The following GPHN variants were observed in gnomAD, a reference collection of about 807,000 sequenced individuals.
GPHN encodes gephyrin.
Under a neutral mutation model 95.5 loss-of-function variants are expected in GPHN, and 17 were observed. The ratio of observed to expected loss-of-function variants is 0.18; its 90% confidence interval spans 0.12 to 0.27. The LOEUF (loss-of-function observed/expected upper bound fraction) is 0.27, where lower values mean the gene tolerates loss of function less well. GPHN is among the 10% of genes least tolerant of loss of function. GPHN has a pLI of 1.00. For synonymous variants in GPHN, 320 were observed against 322.5 expected (o/e 0.99, Z 0.08); for missense variants, 660 against 978.1 (o/e 0.67, Z 4.34).
the GPHN span, chr14:67,203,050 A>G: frequency 6.3e-7 from 1 of 1,583,848 alleles, no homozygotes; most frequent in Non-Finnish European, 8.6e-7. Context: ...TGTCAAAGCC[A>G]CACATTTCAT....
the GPHN span, among the ~76,000 whole-genome samples, chr14:67,523,629 C>A: frequency 1.3e-5 from 2 of 152,324 alleles, no homozygotes; most frequent in Non-Finnish European, 1.5e-5. Context: ...GGGGCTGTTT[C>A]TGTGGCCATG....
rs2070349962 is a variant in GPHN, at chr14:66,717,958, A to G, written c.143+36773A>G. Among the ~76,000 whole-genome samples the G allele has an allele frequency of 2.0e-5, 3 of 152,110 alleles. No homozygotes were observed. The South Asian group carries it at 6.2e-4, about 31-fold the overall frequency. ...GAGGGGTCTTAGCTTTGGTGGTTTA[A>G]TGCTCTATTTTTGTGCTGGTTGGCC... On this transcript the variant is annotated intron_variant, in intron 2 of 22. Transcript: ENST00000478722.
At chr14:66,974,936 T>A (rs2070114405) in intron 9 of GPHN, among the ~76,000 whole-genome samples, 1 of 152,178 alleles carries the variant, frequency 6.6e-6, no homozygotes, top group South Asian at 2.1e-4. Flanking sequence ...ATGATACTAT[T>A]TGCTTCATAG....
rs112003739 is a variant in GPHN at position 66,883,600 on chromosome 14, C to G, written c.389+3567C>G. ...TGGATTGTATCCTGGACATTTTGAA[C>G]ACTGCATTGTAAGTAAATTATTTAA... On this transcript the variant is annotated intron_variant, in intron 5 of 22. Transcript: ENST00000478722. Among the ~76,000 whole-genome samples the G allele has an allele frequency of 9.8e-3, 1,485 of 152,134 alleles. 20 individuals carry two copies. The highest frequency in any genetic ancestry group is 0.033 in the African/African-American group (1,376 of 41,540).
chr14:67,243,776 G>A, the GPHN span, among the ~76,000 whole-genome samples: 3 of 152,116 alleles, frequency 2.0e-5, no homozygotes, highest in African/African-American at 4.8e-5. Flanking sequence ...GATTACAGGC[G>A]TGAGCCACCG....
At chr14:66,752,238 T>C (rs1049849128) in intron 2 of GPHN, among the ~76,000 whole-genome samples, 1 of 152,156 alleles carries the variant, frequency 6.6e-6, no homozygotes, top group Admixed American at 6.6e-5. Context: ...TTCTCTCTCT[T>C]GTCATTTGTG....
chr14:67,484,806 G>A, the GPHN span, among the ~76,000 whole-genome samples: 1 of 152,080 alleles, frequency 6.6e-6, no homozygotes, highest in East Asian at 1.9e-4. Context: ...AACTAACAGC[G>A]ATTACCATTT....
At chr14:67,264,855 A>G in the GPHN span, among the ~76,000 whole-genome samples, 7 of 152,204 alleles carry the variant, frequency 4.6e-5, no homozygotes, top group Non-Finnish European at 8.8e-5. Flanking sequence ...TTAAGTCTCA[A>G]GTTTACATCT....
chr14:67,561,988 A>G, the GPHN span: 1 of 1,613,960 alleles, frequency 6.2e-7, no homozygotes, highest in Non-Finnish European at 8.5e-7. Context: ...AAAAGCCATA[A>G]TCAGCGCCTG....
the GPHN span, among the ~76,000 whole-genome samples, chr14:67,278,541 G>C: frequency 6.6e-6 from 1 of 152,138 alleles, no homozygotes; most frequent in South Asian, 2.1e-4. Context: ...TACAAACAAG[G>C]CTGCTATATG....
chr14:66,868,671 G>A (rs1052791404), intron 4 of GPHN, among the ~76,000 whole-genome samples: 5 of 152,160 alleles, frequency 3.3e-5, no homozygotes, highest in Admixed American at 2.6e-4. Context: ...TGGAATTACA[G>A]GCATGAGCCA....
At chr14:67,100,738 C>T in intron 12 of GPHN, 118 bp from the exon 13 acceptor site, 1 of 733,396 alleles carries the variant, frequency 1.4e-6, no homozygotes. Flanking sequence ...AAAAATATTC[C>T]ACTTCTCTAA....
At chr14:66,583,210 T>A (rs1289371493) in intron 1 of GPHN, among the ~76,000 whole-genome samples, 1 of 152,204 alleles carries the variant, frequency 6.6e-6, no homozygotes, top group African/African-American at 2.4e-5. Flanking sequence ...TTCATATTCT[T>A]TGCCCACTTT....
intron 1 of GPHN, among the ~76,000 whole-genome samples, chr14:66,558,920 T>C (rs1340735170): frequency 2.2e-5 from 3 of 134,620 alleles, no homozygotes; most frequent in Non-Finnish European, 4.7e-5. Context: ...CCAGAGTGTG[T>C]TGTTCCCCTT....
At chr14:66,582,832 C>T (rs917489084) in intron 1 of GPHN, among the ~76,000 whole-genome samples, 11 of 152,090 alleles carry the variant, frequency 7.2e-5, no homozygotes, top group African/African-American at 2.4e-4. Flanking sequence ...GTGAATAGTG[C>T]CGCAATAAAC....
chr14:67,322,445 T>G, the GPHN span, among the ~76,000 whole-genome samples: 1 of 152,192 alleles, frequency 6.6e-6, no homozygotes, highest in East Asian at 1.9e-4. Context: ...ACCATACAGC[T>G]TTAGCATACG....
intron 9 of GPHN, among the ~76,000 whole-genome samples, chr14:66,997,364 C>G (rs1387467800): frequency 9.8e-6 from 1 of 102,132 alleles, no homozygotes; most frequent in African/African-American, 5.1e-5. Flanking sequence ...GAGACTTCGT[C>G]TTAAAAAAAA....
the GPHN span, among the ~76,000 whole-genome samples, chr14:67,246,368 A>G: frequency 1.3e-5 from 2 of 152,070 alleles, no homozygotes; most frequent in East Asian, 3.9e-4. Context: ...TTTTTGAGAC[A>G]GGGTCTCACT....
intron 5 of GPHN, among the ~76,000 whole-genome samples, chr14:66,913,915 G>A (rs1163418676): frequency 6.6e-6 from 1 of 152,054 alleles, no homozygotes; most frequent in African/African-American, 2.4e-5. Flanking sequence ...TAGAGGAGGA[G>A]TACTTTCTTC....
Sources: allele counts gnomAD v4.1 joint callset (sites outside exome capture counted in the v4.1 genomes callset), GRCh38; gene constraint gnomAD v4.1.1; transcripts MANE v1.5; gene names NCBI Gene and HGNC (gene_info 2026-07-23, HGNC 2026-07-21).